Variants in DCDC2C observed in about 807,000 individuals in gnomAD.
DCDC2C encodes the protein doublecortin domain-containing protein 2C.
In DCDC2C, 44 loss-of-function variants were observed where a neutral mutation model predicts 45.0. The ratio of observed to expected loss-of-function variants is 0.98; its 90% CI spans 0.77 to 1.26. The LOEUF (loss-of-function observed/expected upper bound fraction) is 1.26, where lower values mean the gene tolerates loss of function less well. Among genes scored for constraint, DCDC2C ranks in the 50% most tolerant of loss-of-function variants. The pLI is 0.00. For synonymous variants in DCDC2C, 187 were observed against 178.8 expected (o/e 1.05, Z -0.37); for missense variants, 447 against 468.9 (o/e 0.95, Z 0.43).
At chr2:3,705,030 C>T (rs1308043230) in intron 1 of DCDC2C, among the ~76,000 whole-genome samples, 2 of 152,150 alleles carry the variant, frequency 1.3e-5, no homozygotes, top group African/African-American at 2.4e-5. Flanking sequence ...GGACATTCTT[C>T]AGGGCTGAGA....
chr2:3,749,404 C>A (rs998237508), intron 4 of DCDC2C, among the ~76,000 whole-genome samples: 2 of 152,226 alleles, frequency 1.3e-5, no homozygotes, highest in Non-Finnish European at 2.9e-5. Flanking sequence ...AGCCGCCGTT[C>A]TCCGTATGTG....
chr2:3,784,970 AG>A, intron 9 of DCDC2C, 88 bp from the exon 10 acceptor site: 1 of 974,112 alleles, frequency 1.0e-6, no homozygotes, highest in Non-Finnish European at 1.3e-6. Flanking sequence ...CCTCCCTGAG[AG>A]GCAGAGTAGA....
At chr2:3,793,810 G>A (rs978586745) in intron 10 of DCDC2C, among the ~76,000 whole-genome samples, 3 of 152,218 alleles carry the variant, frequency 2.0e-5, no homozygotes, top group African/African-American at 7.2e-5. Flanking sequence ...ACAAGAGGCT[G>A]TGCAGAAAGG....
At chr2:3,730,599 G>A (rs529045012) in intron 3 of DCDC2C, among the ~76,000 whole-genome samples, 2 of 152,158 alleles carry the variant, frequency 1.3e-5, no homozygotes, top group African/African-American at 4.8e-5. Flanking sequence ...AGCTTCCACA[G>A]CCCTTCCTAT....
chr2:3,847,454 G>A lies in DCDC2C; in HGVS notation c.*271G>A, dbSNP rs2148251630. 3.4e-6 allele frequency: 1 copy of A among 290,862 alleles called. No individual in the cohort carries two copies. The highest frequency in any genetic ancestry group is 2.2e-5 in the African/African-American group (1 of 46,248). The allele number at this position is 290,862 out of a possible 1,614,324, so 18.0% of individuals were successfully genotyped here. ...AAGCCCCCAAAAGATCATTCAGAAAGTGAGAAGAATTTGAAAAAACGTGTG... is the reference window on the plus strand; with the variant it reads ...AAGCCCCCAAAAGATCATTCAGAAAATGAGAAGAATTTGAAAAAACGTGTG... On this transcript the variant is annotated 3_prime_UTR_variant, in exon 11 of 11. Transcript: ENST00000399143.
At chr2:3,794,949 C>A (rs1021685446) in intron 10 of DCDC2C, among the ~76,000 whole-genome samples, 11 of 150,918 alleles carry the variant, frequency 7.3e-5, no homozygotes, top group African/African-American at 2.7e-4. Context: ...CACTGACTTC[C>A]ACAATGGTTG....
intron 10 of DCDC2C, among the ~76,000 whole-genome samples, chr2:3,834,869 T>C (rs776295304): frequency 6.6e-6 from 1 of 152,226 alleles, no homozygotes; most frequent in Non-Finnish European, 1.5e-5. Flanking sequence ...CATCACATAT[T>C]ATGTGCTGGG....
At chr2:3,822,497 T>A (rs571915217) in intron 10 of DCDC2C, among the ~76,000 whole-genome samples, 1 of 152,178 alleles carries the variant, frequency 6.6e-6, no homozygotes, top group African/African-American at 2.4e-5. Context: ...TCAATTTTAG[T>A]GTTCTCTTTT....
chr2:3,794,951 C>T (rs1670916493), intron 10 of DCDC2C, among the ~76,000 whole-genome samples: 1 of 150,938 alleles, frequency 6.6e-6, no homozygotes. Flanking sequence ...CTGACTTCCA[C>T]AATGGTTGAA....
At chr2:3,759,535 G>A (rs888975679) in intron 6 of DCDC2C, among the ~76,000 whole-genome samples, 2 of 152,164 alleles carry the variant, frequency 1.3e-5, no homozygotes, top group Admixed American at 6.5e-5. Context: ...TGTGGAGGAC[G>A]TGGGAGAAGT....
At chr2:3,821,554 C>A (rs1287501336) in intron 10 of DCDC2C, among the ~76,000 whole-genome samples, 1 of 152,222 alleles carries the variant, frequency 6.6e-6, no homozygotes, top group Admixed American at 6.5e-5. Context: ...GAAAGTTACT[C>A]TGTATCCTGG....
chr2:3,816,173 G>T (rs1188079364), intron 10 of DCDC2C, among the ~76,000 whole-genome samples: 2 of 152,204 alleles, frequency 1.3e-5, no homozygotes, highest in Non-Finnish European at 2.9e-5. Flanking sequence ...AGAATGATTG[G>T]TGATGGCCTG....
intron 3 of DCDC2C, among the ~76,000 whole-genome samples, chr2:3,739,602 G>C (rs1430688656): frequency 6.6e-6 from 1 of 152,248 alleles, no homozygotes; most frequent in African/African-American, 2.4e-5. Flanking sequence ...TTAGAGGAGT[G>C]CTGGGGTTCC....
intron 1 of DCDC2C, among the ~76,000 whole-genome samples, chr2:3,704,703 AGGGGGAGGGGGGAGGGGCGTGG>A (rs1337991338): frequency 5.7e-4 from 2 of 3,518 alleles, no homozygotes; most frequent in Non-Finnish European, 9.2e-4. Context: ...AGTGTAGGGG[AGGGGGAGGGGGGAGGGGCGTGG>A]GGGGGAGGGG....
chr2:3,816,447 T>C (rs1455908994), intron 10 of DCDC2C, among the ~76,000 whole-genome samples: 1 of 152,146 alleles, frequency 6.6e-6, no homozygotes, highest in Non-Finnish European at 1.5e-5. Flanking sequence ...TCAGTCCCCT[T>C]TTTTTAGCAG....
intron 6 of DCDC2C, 85 bp downstream of exon 6, chr2:3,754,719 G>A (rs779425543): frequency 1.1e-5 from 13 of 1,213,722 alleles, no homozygotes; most frequent in Non-Finnish European, 1.4e-5. Flanking sequence ...GCAGGGTGAC[G>A]GCCCGAGCTG....
intron 3 of DCDC2C, among the ~76,000 whole-genome samples, chr2:3,730,127 A>C (rs1668821284): frequency 6.6e-6 from 1 of 152,172 alleles, no homozygotes; most frequent in Non-Finnish European, 1.5e-5. Context: ...ATGCATCAGG[A>C]GATGAAAGCG....
chr2:3,767,080 G>A (rs139406170), intron 6 of DCDC2C, among the ~76,000 whole-genome samples: 54 of 152,336 alleles, frequency 3.5e-4, no homozygotes, highest in African/African-American at 1.2e-3. Context: ...GTAGGGCTGC[G>A]CCATGATGTT....
chr2:3,830,796 A>G (rs1275936939), intron 10 of DCDC2C, among the ~76,000 whole-genome samples: 1 of 152,166 alleles, frequency 6.6e-6, no homozygotes, highest in African/African-American at 2.4e-5. Flanking sequence ...CAAGATCCAA[A>G]CAATTCTAGA....
Sources: gnomAD v4.1 joint callset for allele counts (sites outside exome capture counted in the v4.1 genomes callset) on GRCh38, gnomAD v4.1.1 for gene constraint, MANE v1.5 for transcripts, NCBI Gene and HGNC (gene_info 2026-07-23, HGNC 2026-07-21) for gene names.